ABCB6: variants seen among roughly 807,000 people sequenced by gnomAD.
ABCB6 encodes the protein ATP-binding cassette sub-family B member 6.
ABCB6 carries 87 observed loss-of-function variants against 99.4 expected under a neutral mutation model. The ratio of observed to expected loss-of-function variants is 0.88; its 90% CI spans 0.74 to 1.05. ABCB6 has a LOEUF of 1.05. ABCB6 is among the 50% of genes least tolerant of loss of function. The probability of loss-of-function intolerance (pLI) is 0.00; values close to 1 mark genes in which losing one functional copy is unlikely to be tolerated. For missense variants in ABCB6, 1,050 were observed against 1,097.9 expected (o/e 0.96, Z 0.62); for synonymous variants, 482 against 447.5 (o/e 1.08, Z -0.97).
At chr2:219,217,150 G>A (rs552944887) in intron 2 of ABCB6, among the ~76,000 whole-genome samples, 1 of 152,054 alleles carries the variant, frequency 6.6e-6, no homozygotes, top group Admixed American at 6.5e-5. Flanking sequence ...CCTGAGGTCA[G>A]GAGTTCAAGA....
At chr2:219,212,775 G>A (rs1950594402) in intron 13 of ABCB6, among the ~76,000 whole-genome samples, 1 of 152,010 alleles carries the variant, frequency 6.6e-6, no homozygotes, top group Middle Eastern at 3.2e-3. Context: ...GGCCACCTAA[G>A]CCTCCCAAAG....
chr2:219,217,770 G>A lies in ABCB6; in HGVS notation c.587C>T (p.Ser196Phe). Reference sequence around the variant, plus strand: ...GAGACCCAGGACAAACAGCCCTCCAGAGACCACATACCGCAGCACCCACAG... The same window carrying A: ...GAGACCCAGGACAAACAGCCCTCCAAAGACCACATACCGCAGCACCCACAG... ...FSLWVLRYVV[S>F]GGLFVLGLWA... Residue 196 changes from serine (S) to phenylalanine (F), a missense_variant, in exon 2 of 19, where the codon TCT (serine) becomes TTT (phenylalanine). Ser to Phe is a radical substitution (Grantham distance 155). Coordinates refer to ENST00000265316, the MANE Select transcript of ABCB6 (RefSeq NM_005689.4). The A allele has an allele frequency of 1.9e-6, 3 of 1,614,046 alleles. No individual in the cohort carries two copies. The highest frequency in any genetic ancestry group is 1.7e-5 in the Admixed American group (1 of 59,996).
At position 219,210,734 on chromosome 2, in the gene ABCB6, G is replaced by A. The variant is rs1469221373; in HGVS notation, c.2233C>T (p.Pro745Ser). ...ACCTCATCCAGCAGAATGATGCCCG[G>A]AGCCTTGAGGATGGTGCGGGCAATG... is the stretch of plus-strand genomic sequence containing the variant. ...VAIARTILKAPGIILLDEATS... is the reference protein window; with the variant it reads ...VAIARTILKASGIILLDEATS... Residue 745 changes from proline (P) to serine (S), a missense_variant, in exon 16 of 19, where the codon CCG becomes TCG. Physicochemically the swap from Pro to Ser is moderately conservative, Grantham distance 74 (BLOSUM62 -1). Transcript: ENST00000265316. The A allele has an allele frequency of 6.2e-7, 1 of 1,613,690 alleles. No individual in the cohort carries two copies. Among genetic ancestry groups the A allele is most frequent in the Non-Finnish European group, 8.5e-7 (1 of 1,180,002 alleles).
At position 219,217,667 on chromosome 2, in the gene ABCB6, T is replaced by A; in HGVS notation, c.687+3A>T. Reference sequence around the variant, plus strand: ...CCAAAAAAAAAAAGAAACTGAGGTGTACCTGGCTCCTTTCCACATCTTGGT... The same window carrying A: ...CCAAAAAAAAAAAGAAACTGAGGTGAACCTGGCTCCTTTCCACATCTTGGT... On this transcript the variant is annotated splice_donor_region_variant and intron_variant, in intron 2 of 18. Transcript: ENST00000265316. 6.3e-7 allele frequency: 1 copy of A among 1,587,600 alleles called. No individual in the cohort carries two copies. Among genetic ancestry groups the A allele is most frequent in the South Asian group, 1.2e-5 (1 of 85,906 alleles).
In ABCB6 at chr2:219,218,362, T is replaced by C. The variant is rs2106431010; in HGVS notation, c.312A>G (p.Pro104=). The C allele has an allele frequency of 6.2e-7, 1 of 1,612,888 alleles. No homozygotes were observed. The highest frequency in any genetic ancestry group is 8.5e-7 in the Non-Finnish European group (1 of 1,179,922). The change falls in exon 1 of 19, where the codon CCA becomes CCG. Residue 104 remains proline (P), a synonymous_variant. Transcript: ENST00000265316. ...RVGTARGAPL[P]SYLLLASVLE... is the part of the protein sequence containing the mutation. ...GCACGGAGGCCAGAAGTAGATAGCT[T>C]GGCAGTGGGGCCCCCCGGGCAGTGC...
Position 219,218,695 on chromosome 2 carries a change from G to A in ABCB6, c.-22C>T. 3.9e-6 allele frequency: 6 copies of A among 1,525,086 alleles called. No homozygotes were observed. Among genetic ancestry groups the A allele is most frequent in the Non-Finnish European group, 5.3e-6 (6 of 1,135,162 alleles). The allele number at this position is 1,525,086 out of a possible 1,614,324, so 94.5% of individuals were successfully genotyped here. ...CCATGGCAATGCGTGGACGCCGGCC[G>A]AGGCTGCGGGCACTGCGGGACCGGA... is the stretch of plus-strand genomic sequence containing the variant. On this transcript the variant is annotated 5_prime_UTR_variant, in exon 1 of 19. Transcript: ENST00000265316.
At chr2:219,212,005 C>T (rs1474613543) in intron 14 of ABCB6, among the ~76,000 whole-genome samples, 1 of 152,044 alleles carries the variant, frequency 6.6e-6, no homozygotes, top group Non-Finnish European at 1.5e-5. Flanking sequence ...CCTTGTGATC[C>T]GCCCACCTCA....
chr2:219,210,585 G>C (rs1950564116), intron 16 of ABCB6, 110 bp from the exon 17 acceptor site: 1 of 1,587,568 alleles, frequency 6.3e-7, no homozygotes, highest in Non-Finnish European at 8.6e-7. Context: ...GTTTGGGCTT[G>C]AGAACTGGAA....
At position 219,216,034 on chromosome 2, in the gene ABCB6, C is replaced by G. The variant is rs1445854518; in HGVS notation, c.1117G>C (p.Ala373Pro). Residue 373 changes from alanine (A) to proline (P), a missense_variant, in exon 5 of 19, where the codon GCG becomes CCG. Transcript: ENST00000265316. The surrounding 1 kb of genome is among the most constrained non-coding windows in gnomAD (Gnocchi z 4.2). ...GRRTGEVLRI[A>P]DRGTSSVTGL... ...GTGACACTGGATGTGCCCCGATCCGCGATCCGCAGCACCTCCCCTGTGCGG... is the reference window on the plus strand; with the variant it reads ...GTGACACTGGATGTGCCCCGATCCGGGATCCGCAGCACCTCCCCTGTGCGG... 1 of 1,602,596 alleles carries G rather than the reference C, an allele frequency of 6.2e-7. No homozygotes were observed. The highest frequency in any genetic ancestry group is 1.7e-5 in the Admixed American group (1 of 59,436).
Position 219,216,335 on chromosome 2 carries a change from T to C in ABCB6, c.970+29A>G, listed in dbSNP as rs1950641358. 6.2e-7 allele frequency: 1 copy of C among 1,603,706 alleles called. No homozygotes were observed. Among genetic ancestry groups the C allele is most frequent in the Non-Finnish European group, 8.5e-7 (1 of 1,170,798 alleles). On this transcript the variant is annotated intron_variant, in intron 4 of 18. Transcript: ENST00000265316. This position sits in a 1 kb window ranked among gnomAD's most constrained non-coding sequence, Gnocchi z 4.2. ...AATGCCTGTGGGAGGGACCTATACC[T>C]AGCAGGGTGAGGGCGGAGTCTCTCA...
Position 219,213,597 on chromosome 2 carries a change from A to T in ABCB6, c.1648T>A (p.Tyr550Asn), listed in dbSNP as rs1456299932. 6.2e-7 allele frequency: 1 copy of T among 1,614,218 alleles called. No individual in the cohort carries two copies. The highest frequency in any genetic ancestry group is 1.7e-5 in the Admixed American group (1 of 60,030). ...GGCCAGGGCTCAGATTACCTGTAGTAGGTGCCAAACCAATTGAGGGGCATG... is the reference window on the plus strand; with the variant it reads ...GGCCAGGGCTCAGATTACCTGTAGTTGGTGCCAAACCAATTGAGGGGCATG... ...LYMPLNWFGT[Y>N]YRMIQTNFID... The change falls in exon 10 of 19, where the codon TAC (tyrosine) becomes AAC (asparagine). Residue 550 changes from tyrosine to asparagine, a missense_variant. Tyr to Asn is a moderately radical substitution (Grantham distance 143). Transcript: ENST00000265316.
chr2:219,213,134 T>C, intron 12 of ABCB6, 69 bp from the exon 13 acceptor site: 1 of 1,603,134 alleles, frequency 6.2e-7, no homozygotes, highest in Non-Finnish European at 8.5e-7. Context: ...GCCCTGCCCC[T>C]CCCCTGCCCA....
At position 219,212,406 on chromosome 2, in the gene ABCB6, T is replaced by A; in HGVS notation, c.1949A>T (p.Asp650Val). The A allele has an allele frequency of 6.2e-7, 1 of 1,614,110 alleles. No homozygotes were observed. The highest frequency in any genetic ancestry group is 8.5e-7 in the Non-Finnish European group (1 of 1,180,000). The change falls in exon 14 of 19, where the codon GAT becomes GTT. Residue 650 changes from aspartate to valine, a missense_variant. By Grantham distance (152) the Asp-to-Val change is radical. Transcript: ENST00000265316. Reference sequence around the variant, plus strand: ...CCCTACCTGTGAAATGTCCTGCCCATCTATTCGGATGCAGCCAGAGCTGAT... The same window carrying A: ...CCCTACCTGTGAAATGTCCTGCCCAACTATTCGGATGCAGCCAGAGCTGAT... ...YDISSGCIRI[D>V]GQDISQVTQA...
At chr2:219,214,699 C>A in intron 6 of ABCB6, 1 of 626,690 alleles carries the variant, frequency 1.6e-6, no homozygotes, top group South Asian at 2.0e-5. Flanking sequence ...CAAGCTGCAT[C>A]TTGTTACACA....
chr2:219,218,268 G>A lies in ABCB6; in HGVS notation c.406C>T (p.Leu136=). 1.9e-6 allele frequency: 3 copies of A among 1,613,348 alleles called. No homozygotes were observed. Among genetic ancestry groups the A allele is most frequent in the Non-Finnish European group, 2.5e-6 (3 of 1,180,046 alleles). The change falls in exon 1 of 19, where the codon CTG becomes TTG. Residue 136 remains leucine, a synonymous_variant. Transcript: ENST00000265316. ...AACTTGATCCAGATGCCCATTGCCAGACGCTGCCGTGCCTGGCTCCGCTCC... is the reference window on the plus strand; with the variant it reads ...AACTTGATCCAGATGCCCATTGCCAAACGCTGCCGTGCCTGGCTCCGCTCC... The part of the protein sequence containing the change: ...VVERSQARQR[L]AMGIWIKFRH...
rs777954726 is a variant in ABCB6, at chr2:219,214,127, T to C, written c.1446A>G (p.Lys482=). Residue 482 remains lysine (K), a synonymous_variant, in exon 8 of 19, where the codon AAA becomes AAG. Coordinates refer to ENST00000265316, the MANE Select transcript of ABCB6 (RefSeq NM_005689.4). The part of the protein sequence containing the change: ...EVERYREAII[K]YQGLEWKSSA... ...CTCAAACTAGCATCCTCACCTGATA[T>C]TTGATGATGGCCTCTCGATAGCGTT... 4 of 1,614,066 alleles carry C rather than the reference T, an allele frequency of 2.5e-6. No homozygotes were observed. Among genetic ancestry groups the C allele is most frequent in the Non-Finnish European group, 3.4e-6 (4 of 1,180,042 alleles).
chr2:219,210,991 C>G lies in ABCB6; in HGVS notation c.2086G>C (p.Val696Leu). ...YGRVTAGNDE[V>L]EAAAQAAGIH... The stretch of plus-strand genomic sequence containing the variant: ...CCTGCAGCCTGAGCAGCAGCCTCCA[C>G]CTCATCATTCCCAGCTGTGACACGG... Residue 696 changes from valine (V) to leucine (L), a missense_variant, in exon 15 of 19, where the codon GTG (valine) becomes CTG (leucine). By Grantham distance (32) the Val-to-Leu change is conservative. Transcript: ENST00000265316. 5 of 1,614,206 alleles carry G rather than the reference C, an allele frequency of 3.1e-6. No homozygotes were observed. The highest frequency in any genetic ancestry group is 3.4e-6 in the Non-Finnish European group (4 of 1,180,030).
chr2:219,216,267 A>T lies in ABCB6; in HGVS notation c.971-87T>A. On this transcript the variant is annotated intron_variant, in intron 4 of 18. Coordinates refer to ENST00000265316, the MANE Select transcript of ABCB6 (RefSeq NM_005689.4). This position sits in a 1 kb window ranked among gnomAD's most constrained non-coding sequence, Gnocchi z 4.2. ...CAGGATGTGAAAGGTCTGAGAGTAC[A>T]TGGGGGCTGGGGAGGAATGCTGGGA... The T allele has an allele frequency of 1.9e-6, 3 of 1,581,896 alleles. No individual in the cohort carries two copies. The highest frequency in any genetic ancestry group is 2.6e-6 in the Non-Finnish European group (3 of 1,158,798).
intron 1 of ABCB6, 113 bp from the exon 2 acceptor site, chr2:219,217,920 T>TTA: frequency 8.4e-7 from 1 of 1,184,594 alleles, no homozygotes. Context: ...CTTACAGGCT[T>TTA]AAAAAAAAAA....
Sources: allele counts gnomAD v4.1 joint callset (sites outside exome capture counted in the v4.1 genomes callset), GRCh38; gene constraint gnomAD v4.1.1; non-coding constraint Gnocchi (gnomAD v3.1); transcripts MANE v1.5; gene names NCBI Gene and HGNC (gene_info 2026-07-23, HGNC 2026-07-21).